Variants in SHROOM2 observed in about 807,000 individuals in gnomAD.
SHROOM2 encodes the protein shroom family member 2, also known as protein Shroom2.
SHROOM2 carries 33 observed loss-of-function variants against 75.9 expected under a neutral mutation model. The ratio of observed to expected loss-of-function variants is 0.43; its 90% CI spans 0.33 to 0.58. The LOEUF is 0.58. SHROOM2 is among the 20% of genes least tolerant of loss of function. The probability of loss-of-function intolerance (pLI) is 0.04; values close to 1 mark genes in which losing one functional copy is unlikely to be tolerated. For missense variants in SHROOM2, 1,434 were observed against 1,461.2 expected, an observed-to-expected ratio of 0.98 and a Z score of 0.30; for synonymous variants, 655 against 663.6, an observed-to-expected ratio of 0.99 and a Z score of 0.20.
chrX:9,812,763 G>T (rs2083798664), intron 1 of SHROOM2, among the ~76,000 whole-genome samples: 1 of 112,386 alleles, frequency 8.9e-6, no homozygotes, highest in Admixed American at 9.4e-5. Context: ...AGCTGGAGAG[G>T]TGATATACCA....
At chrX:9,833,608 CTG>C (rs144161839) in intron 1 of SHROOM2, among the ~76,000 whole-genome samples, 2,135 of 95,192 alleles carry the variant, frequency 0.022, 28 homozygotes, top group South Asian at 0.072. Context: ...CAAGTAGACT[CTG>C]TGTGTGTGTG....
intron 1 of SHROOM2, among the ~76,000 whole-genome samples, chrX:9,808,594 G>A (rs1390771428): frequency 9.1e-6 from 1 of 110,073 alleles, no homozygotes; most frequent in Non-Finnish European, 1.9e-5. Context: ...GGGCGCAGTG[G>A]TTCACGCCTG....
At chrX:9,867,113 C>T (rs2084144148) in intron 1 of SHROOM2, among the ~76,000 whole-genome samples, 2 of 111,745 alleles carry the variant, frequency 1.8e-5, no homozygotes, top group Admixed American at 1.9e-4. Context: ...GAAGTATCAA[C>T]AACTTTGTTC....
At chrX:9,941,698 G>A (rs1456491514) in intron 8 of SHROOM2, among the ~76,000 whole-genome samples, 1 of 110,790 alleles carries the variant, frequency 9.0e-6, no homozygotes, top group Non-Finnish European at 1.9e-5. Flanking sequence ...GCGGCCGGGC[G>A]CGGTGGCTCA....
At chrX:9,844,900 C>T (rs1601941174) in intron 1 of SHROOM2, among the ~76,000 whole-genome samples, 2 of 111,945 alleles carry the variant, frequency 1.8e-5, no homozygotes, top group Non-Finnish European at 3.8e-5. Context: ...AATTGGTGTG[C>T]TCCTGCGTTC....
chrX:9,905,344 A>G (rs2084385980), intron 5 of SHROOM2, among the ~76,000 whole-genome samples: 1 of 113,094 alleles, frequency 8.8e-6, no homozygotes, highest in Admixed American at 9.3e-5. Flanking sequence ...TAGAAAATGC[A>G]TTCAAATATT....
In SHROOM2 at chrX:9,946,688, G is replaced by A. The variant is rs753968512; in HGVS notation, c.4602G>A (p.Lys1534=). Residue 1534 remains lysine, a synonymous_variant, in exon 10 of 10, where the codon AAG becomes AAA. Coordinates refer to ENST00000380913, the MANE Select transcript of SHROOM2 (RefSeq NM_001649.4). ...SPGDRQSLLE[K]QRVLIQQHED... is the part of the protein sequence containing the mutation. ...GTCAACAGCAATCACTGCTTGAGAA[G>A]CAGAGAGTCCTGATCCAGCAGCACG... 2 of 1,207,478 alleles carry A rather than the reference G, an allele frequency of 1.7e-6. No homozygotes were observed. Among genetic ancestry groups the A allele is most frequent in the South Asian group, 3.6e-5 (2 of 55,957 alleles).
intron 1 of SHROOM2, among the ~76,000 whole-genome samples, chrX:9,836,430 G>T (rs957564754): frequency 3.6e-5 from 4 of 109,752 alleles, no homozygotes. Context: ...GTGTGCCCTC[G>T]CTTCTCTCCC....
At chrX:9,840,477 C>T (rs1468415225) in intron 1 of SHROOM2, among the ~76,000 whole-genome samples, 2 of 111,360 alleles carry the variant, frequency 1.8e-5, no homozygotes, top group African/African-American at 6.5e-5. Flanking sequence ...CCATGTTGCC[C>T]AGGCTGATCT....
intron 1 of SHROOM2, among the ~76,000 whole-genome samples, chrX:9,792,133 ATAGAATAGAATAGAATAGAATAGAAT>A: frequency 4.1e-5 from 1 of 24,154 alleles, no homozygotes; most frequent in African/African-American, 1.0e-4. Context: ...ATAGAATAGA[ATAGAATAGAATAGAATAGAATAGAAT>A]AATCACCAGT....
At position 9,947,488 on chromosome X, in the gene SHROOM2, T is replaced by G. The variant is rs2084832473; in HGVS notation, c.*551T>G. On this transcript the variant is annotated 3_prime_UTR_variant, in exon 10 of 10. Transcript: ENST00000380913. ...CATCATCATGATGATGATAATTTAT[T>G]AACTTTTTGGAAGGGTGAATAGTTT... 1 of 113,399 alleles carries G rather than the reference T, an allele frequency of 8.8e-6. No individual in the cohort carries two copies. The highest frequency in any genetic ancestry group is 1.9e-5 in the Non-Finnish European group (1 of 54,032). The allele number at this position is 113,399 out of a possible 1,213,427, so 9.3% of individuals were successfully genotyped here. A position where few individuals can be genotyped will look rare whatever the true frequency, so the allele number is the denominator to read the frequency against.
Position 9,894,792 on chromosome X carries a change from G to A in SHROOM2, c.884G>A (p.Arg295Lys), listed in dbSNP as rs1258184847. Residue 295 changes from arginine (R) to lysine (K), a missense_variant, in exon 4 of 10, where the codon AGG (arginine) becomes AAG (lysine). Around this residue, in one of 3 missense-constraint regions of SHROOM2, gnomAD observed 1,340 missense variants for 1,338.3 expected, o/e 1.00. Coordinates refer to ENST00000380913, the MANE Select transcript of SHROOM2 (RefSeq NM_001649.4). ...NAEPKLAAPGRSNFGPVWYVP... is the reference protein window; with the variant it reads ...NAEPKLAAPGKSNFGPVWYVP... Reference sequence around the variant, plus strand: ...GAGCCCAAGCTGGCTGCCCCTGGGAGGTCCAATTTTGGGCCAGTCTGGTAT... The same window carrying A: ...GAGCCCAAGCTGGCTGCCCCTGGGAAGTCCAATTTTGGGCCAGTCTGGTAT... 2.5e-6 allele frequency: 3 copies of A among 1,212,032 alleles called. 1 individual carries two copies. Among genetic ancestry groups the A allele is most frequent in the Middle Eastern group, 4.6e-4 (2 of 4,355 alleles).
chrX:9,804,129 C>G (rs2083739115), intron 1 of SHROOM2, among the ~76,000 whole-genome samples: 1 of 111,555 alleles, frequency 9.0e-6, no homozygotes, highest in Non-Finnish European at 1.9e-5. Context: ...TCTGTTAGCT[C>G]CCCGTCTTCC....
intron 5 of SHROOM2, among the ~76,000 whole-genome samples, chrX:9,901,774 G>A (rs894183362): frequency 2.7e-5 from 3 of 112,321 alleles, no homozygotes; most frequent in Non-Finnish European, 3.8e-5. Flanking sequence ...GGATGTATTT[G>A]TACACCTTCA....
Position 9,894,894 on chromosome X carries a change from C to T in SHROOM2, c.986C>T (p.Thr329Ile), listed in dbSNP as rs149724569. The change falls in exon 4 of 10, where the codon ACC (threonine) becomes ATC (isoleucine). Residue 329 changes from threonine to isoleucine, a missense_variant. By Grantham distance (89) the Thr-to-Ile change is moderately conservative (BLOSUM62 -1). Coordinates refer to ENST00000380913, the MANE Select transcript of SHROOM2 (RefSeq NM_001649.4). ...PPLRSDSFAATKSHEKAQGPV... is the reference protein window; with the variant it reads ...PPLRSDSFAAIKSHEKAQGPV... Reference sequence around the variant, plus strand: ...CTCCGCAGTGACAGCTTTGCTGCCACCAAGAGCCACGAGAAGGCCCAGGGC... The same window carrying T: ...CTCCGCAGTGACAGCTTTGCTGCCATCAAGAGCCACGAGAAGGCCCAGGGC... The T allele has an allele frequency of 1.7e-6, 2 of 1,209,866 alleles. No homozygotes were observed. The highest frequency in any genetic ancestry group is 1.7e-5 in the African/African-American group (1 of 57,408).
chrX:9,812,366 C>T (rs745944388), intron 1 of SHROOM2, among the ~76,000 whole-genome samples: 11 of 111,794 alleles, frequency 9.8e-5, no homozygotes, highest in South Asian at 3.8e-4. Flanking sequence ...GGCAGCCTTT[C>T]GGGTCACTCG....
rs397953893 is a variant in SHROOM2 at position 9,827,223 on chromosome X, C to CTT, written c.165+40529_165+40530dup. ...TGTTAGCCTTGACATTTTTCTTTTT[C>CTT]TTTTTTTTTTTTTTTTTGAGACAGG... is the stretch of plus-strand genomic sequence containing the variant. On this transcript the variant is annotated intron_variant, in intron 1 of 9. Transcript: ENST00000380913. Among the ~76,000 whole-genome samples the CTT allele has an allele frequency of 6.1e-3, 365 of 60,125 alleles. 8 individuals are homozygous for CTT. Among genetic ancestry groups the CTT allele is most frequent in the African/African-American group, 0.025 (329 of 13,327 alleles). 52.2% of individuals were successfully genotyped at this position (60,125 alleles called of 115,157 possible). A position where few individuals can be genotyped will look rare whatever the true frequency, so the allele number is the denominator to read the frequency against.
At chrX:9,925,437 C>T (rs1602006550) in intron 5 of SHROOM2, among the ~76,000 whole-genome samples, 1 of 112,784 alleles carries the variant, frequency 8.9e-6, no homozygotes, top group East Asian at 2.8e-4. Flanking sequence ...TACAGAATCC[C>T]TTCTATTTAT....
At chrX:9,841,285 A>G (rs911066880) in intron 1 of SHROOM2, among the ~76,000 whole-genome samples, 1 of 111,430 alleles carries the variant, frequency 9.0e-6, no homozygotes, top group African/African-American at 3.3e-5. Context: ...AAAATCCTTC[A>G]TATCTTCCAT....
Sources: gnomAD v4.1 joint callset for allele counts (sites outside exome capture counted in the v4.1 genomes callset) on GRCh38, gnomAD v4.1.1 for gene constraint, gnomAD v4.1.1 regional missense constraint, MANE v1.5 for transcripts, NCBI Gene and HGNC (gene_info 2026-07-23, HGNC 2026-07-21) for gene names.